The following GPR39 variants were observed in gnomAD, a reference collection of about 807,000 sequenced individuals.
GPR39 encodes the protein G protein-coupled receptor 39, also known as zinc sensing receptor.
In GPR39, 23 loss-of-function variants were observed where a neutral mutation model predicts 18.4. That is an observed-to-expected ratio of 1.25 (90% CI 0.90 to 1.77). The LOEUF (loss-of-function observed/expected upper bound fraction) is 1.77. GPR39 is among the 40% of genes most tolerant of loss of function. The pLI is 0.00. For synonymous variants in GPR39, 280 were observed against 257.9 expected, an observed-to-expected ratio of 1.09 and a Z score of -0.82; for missense variants, 647 against 602.4, an observed-to-expected ratio of 1.07 and a Z score of -0.78.
intron 1 of GPR39, among the ~76,000 whole-genome samples, chr2:132,465,544 A>T: frequency 6.6e-6 from 1 of 152,256 alleles, no homozygotes; most frequent in South Asian, 2.1e-4. Flanking sequence ...GATGGCAAAG[A>T]GCATGGTAGC....
At chr2:132,518,173 G>A (rs1009015894) in intron 1 of GPR39, among the ~76,000 whole-genome samples, 6 of 152,134 alleles carry the variant, frequency 3.9e-5, no homozygotes, top group Non-Finnish European at 8.8e-5. Context: ...CCATTATAAT[G>A]TTCTTGGTCA....
intron 1 of GPR39, among the ~76,000 whole-genome samples, chr2:132,454,273 C>G (rs1277882260): frequency 1.3e-5 from 2 of 151,438 alleles, no homozygotes; most frequent in Non-Finnish European, 3.0e-5. Context: ...CATTATTTGG[C>G]TCTCTGTTTG....
chr2:132,491,778 C>T (rs1159700110), intron 1 of GPR39, among the ~76,000 whole-genome samples: 1 of 151,824 alleles, frequency 6.6e-6, no homozygotes, highest in African/African-American at 2.4e-5. Flanking sequence ...AGATTCCAGT[C>T]CTAGCTTCAC....
intron 1 of GPR39, among the ~76,000 whole-genome samples, chr2:132,628,549 C>A (rs72844714): frequency 0.13 from 19,606 of 152,192 alleles, 1,613 homozygotes; most frequent in Middle Eastern, 0.23. Flanking sequence ...GGCTTTAGAG[C>A]GACCTGAAAC....
chr2:132,491,549 G>A (rs1175999435), intron 1 of GPR39, among the ~76,000 whole-genome samples: 1 of 151,924 alleles, frequency 6.6e-6, no homozygotes, highest in Non-Finnish European at 1.5e-5. Context: ...AGTGATTGGT[G>A]GCATGCAATG....
chr2:132,585,143 G>T (rs751038490), intron 1 of GPR39, among the ~76,000 whole-genome samples: 4 of 152,146 alleles, frequency 2.6e-5, no homozygotes, highest in Non-Finnish European at 5.9e-5. Flanking sequence ...TCACAGAGGT[G>T]TCTCATGGAT....
rs184486980 is a variant in GPR39, at chr2:132,594,150, G to A, written c.857-50951G>A. ...GCCTTGCACTACCTTATCACTGGGG[G>A]ACCCGTCATACCCACCCCATTCTGC... On this transcript the variant is annotated intron_variant, in intron 1 of 1. Transcript: ENST00000329321. Among the ~76,000 whole-genome samples the A allele has an allele frequency of 2.6e-5, 4 of 152,226 alleles. No homozygotes were observed. The East Asian group carries it at 5.8e-4, about 22-fold the overall frequency.
intron 1 of GPR39, among the ~76,000 whole-genome samples, chr2:132,511,334 G>A (rs542255088): frequency 1.3e-5 from 2 of 151,810 alleles, no homozygotes; most frequent in South Asian, 4.2e-4. Context: ...CTTGGCAAAT[G>A]GAAATAAGTA....
chr2:132,534,221 A>C (rs1679698429), intron 1 of GPR39, among the ~76,000 whole-genome samples: 1 of 152,182 alleles, frequency 6.6e-6, no homozygotes, highest in African/African-American at 2.4e-5. Flanking sequence ...TTATGCAGCC[A>C]AAAAACACAT....
chr2:132,643,986 A>C (rs1413273756), intron 1 of GPR39, among the ~76,000 whole-genome samples: 5 of 152,214 alleles, frequency 3.3e-5, no homozygotes, highest in African/African-American at 1.2e-4. Flanking sequence ...GAAAATGCAA[A>C]TCCTGCTTTA....
intron 1 of GPR39, among the ~76,000 whole-genome samples, chr2:132,569,410 C>T (rs1277903168): frequency 4.6e-5 from 7 of 152,058 alleles, no homozygotes; most frequent in South Asian, 2.1e-4. Flanking sequence ...TTGATGGATG[C>T]GTGGAGCCCA....
chr2:132,426,447 G>A (rs554187137), intron 1 of GPR39, among the ~76,000 whole-genome samples: 1 of 152,298 alleles, frequency 6.6e-6, no homozygotes, highest in East Asian at 1.9e-4. Flanking sequence ...ATGACTAGGC[G>A]CTGCATAAAG....
chr2:132,454,988 G>A (rs1404934889), intron 1 of GPR39, among the ~76,000 whole-genome samples: 1 of 152,070 alleles, frequency 6.6e-6, no homozygotes, highest in East Asian at 1.9e-4. Flanking sequence ...GGATGATGTT[G>A]GCCTCATAAA....
chr2:132,596,254 A>G (rs16837705), intron 1 of GPR39, among the ~76,000 whole-genome samples: 33,487 of 151,976 alleles, frequency 0.22, 3,942 homozygotes, highest in African/African-American at 0.29. Context: ...GTTCAATTGC[A>G]TTAGTTTTTG....
rs541756513 is a variant in GPR39 at position 132,438,069 on chromosome 2, G to A, written c.856+20171G>A. Among the ~76,000 whole-genome samples the A allele has an allele frequency of 2.0e-5, 3 of 152,350 alleles. No individual in the cohort carries two copies. The South Asian group carries it at 6.2e-4, about 32-fold the overall frequency. On this transcript the variant is annotated intron_variant, in intron 1 of 1. Transcript: ENST00000329321. ...CCATAAACATTGGGGTTTCAGGGAA[G>A]GGACGGAGTGTTGCAGCAATCCTGG...
rs191312224 is a variant in GPR39 at position 132,580,083 on chromosome 2, T to A, written c.857-65018T>A. Among the ~76,000 whole-genome samples the A allele has an allele frequency of 3.3e-5, 5 of 152,376 alleles. No homozygotes were observed. The East Asian group carries it at 9.6e-4, about 29-fold the overall frequency. On this transcript the variant is annotated intron_variant, in intron 1 of 1. Coordinates refer to ENST00000329321, the MANE Select transcript of GPR39 (RefSeq NM_001508.3). ...AGTGTTGGCAAAATGATTACAAGTA[T>A]GGGCTTTAGAGGCAAAGTTCGGGCT... is the stretch of plus-strand genomic sequence containing the variant.
intron 1 of GPR39, among the ~76,000 whole-genome samples, chr2:132,500,763 A>T (rs1679015762): frequency 6.6e-6 from 1 of 152,000 alleles, no homozygotes; most frequent in African/African-American, 2.4e-5. Flanking sequence ...ACTGCTTGTC[A>T]TTGCTCTGTT....
intron 1 of GPR39, among the ~76,000 whole-genome samples, chr2:132,501,058 T>G (rs1679027896): frequency 5.5e-5 from 7 of 127,406 alleles, no homozygotes; most frequent in Middle Eastern, 4.0e-3. Context: ...TTTTGTGTTT[T>G]TTTTTTTTTT....
Position 132,438,939 on chromosome 2 carries a change from T to C in GPR39, c.856+21041T>C, listed in dbSNP as rs544788791. Among the ~76,000 whole-genome samples the C allele has an allele frequency of 1.8e-3, 280 of 152,280 alleles. 1 individual carries two copies. The highest frequency in any genetic ancestry group is 3.5e-3 in the Non-Finnish European group (241 of 68,020). On this transcript the variant is annotated intron_variant, in intron 1 of 1. Coordinates refer to ENST00000329321, the MANE Select transcript of GPR39 (RefSeq NM_001508.3). ...GCATATTAATATGTCGCAGCGAGCA[T>C]GTGTATGTTTAATTCTGATGACATG...
Sources: allele counts gnomAD v4.1 joint callset (sites outside exome capture counted in the v4.1 genomes callset), GRCh38; gene constraint gnomAD v4.1.1; transcripts MANE v1.5; gene names NCBI Gene and HGNC (gene_info 2026-07-23, HGNC 2026-07-21).